The following PTPRN2 variants were observed in gnomAD, a reference collection of about 807,000 sequenced individuals.
PTPRN2 encodes receptor-type tyrosine-protein phosphatase N2.
In PTPRN2, 74 loss-of-function variants were observed where a neutral mutation model predicts 118.8. That is an observed-to-expected ratio of 0.62 (90% CI 0.52 to 0.76). The LOEUF (loss-of-function observed/expected upper bound fraction) is 0.76. Ranked by LOEUF, PTPRN2 falls within the 30% of genes least tolerant of loss-of-function variation. The pLI is 0.00. For missense variants in PTPRN2, 1,481 were observed against 1,394.4 expected, an observed-to-expected ratio of 1.06 and a Z score of -0.99; for synonymous variants, 641 against 608.0, an observed-to-expected ratio of 1.05 and a Z score of -0.80.
chr7:158,541,761 G>T, intron 1 of PTPRN2: 1 of 1,192,402 alleles, frequency 8.4e-7, no homozygotes, highest in Non-Finnish European at 1.1e-6. Context: ...AAAGGGCTGC[G>T]GACGCATAAA....
At chr7:158,425,635 GA>G (rs1295125194) in intron 2 of PTPRN2, among the ~76,000 whole-genome samples, 4,250 of 108,308 alleles carry the variant, frequency 0.039, 834 homozygotes, top group Non-Finnish European at 0.047. Flanking sequence ...CAGCCTAGCT[GA>G]GGCCTGCGCA....
At chr7:157,645,524 T>C (rs1215220619) in intron 14 of PTPRN2, among the ~76,000 whole-genome samples, 1 of 152,206 alleles carries the variant, frequency 6.6e-6, no homozygotes, top group African/African-American at 2.4e-5. Context: ...ACATTTCACA[T>C]GGTCCGTGTA....
rs557929226 is a variant in PTPRN2 at position 157,615,909 on chromosome 7, C to T, written c.2344+5453G>A. The T allele has an allele frequency of 3.4e-4, 108 of 321,648 alleles. No homozygotes were observed. Among genetic ancestry groups the T allele is most frequent in the Non-Finnish European group, 5.8e-4 (95 of 163,768 alleles). The allele number at this position is 321,648 out of a possible 1,614,324, so 19.9% of individuals were successfully genotyped here. ...TAGTGGGTTCGGCCTCAGAATCAGC[C>T]GGCGCTGAGATGTGCACCTGGCAGG... On this transcript the variant is annotated intron_variant, in intron 15 of 22. Transcript: ENST00000389418. The surrounding 1 kb of genome is among the most constrained non-coding windows in gnomAD (Gnocchi z 4.3).
chr7:158,380,486 G>A (rs1435364190), intron 2 of PTPRN2, among the ~76,000 whole-genome samples: 3 of 152,216 alleles, frequency 2.0e-5, no homozygotes, highest in Non-Finnish European at 4.4e-5. Flanking sequence ...AAACATCTGG[G>A]TCATGGTGAT....
intron 11 of PTPRN2, among the ~76,000 whole-genome samples, chr7:157,931,047 C>A (rs1266956424): frequency 6.6e-6 from 1 of 152,162 alleles, no homozygotes; most frequent in African/African-American, 2.4e-5. Context: ...GAGTCAAGAA[C>A]TCCTTCTGCC....
At chr7:158,269,351 C>T (rs902652945) in intron 3 of PTPRN2, among the ~76,000 whole-genome samples, 27 of 152,202 alleles carry the variant, frequency 1.8e-4, no homozygotes, top group African/African-American at 4.3e-4. Flanking sequence ...CCTCAGGAGG[C>T]GCGGCCATCC....
chr7:157,848,885 C>T (rs1563168935), intron 12 of PTPRN2, among the ~76,000 whole-genome samples: 1 of 152,246 alleles, frequency 6.6e-6, no homozygotes, highest in African/African-American at 2.4e-5. Context: ...GTGTGCACCA[C>T]GGTGTGCCCT....
rs560214945 is a variant in PTPRN2 at position 158,276,282 on chromosome 7, T to C, written c.277+40537A>G. On this transcript the variant is annotated intron_variant, in intron 3 of 22. Transcript: ENST00000389418. ...CCCACACTCTGGCCCCAACAGGCTG[T>C]AAGGCAGCACCCCCACACCCCGGCC... 5.6e-4 allele frequency among the ~76,000 whole-genome samples: 21 copies of C among 37,748 alleles called. 5 individuals are homozygous for C. Among genetic ancestry groups the C allele is most frequent in the Non-Finnish European group, 1.3e-3 (17 of 13,220 alleles). The allele number at this position is 37,748 out of a possible 152,430, so 24.8% of individuals were successfully genotyped here.
rs1463101287 is a variant in PTPRN2 at position 157,588,114 on chromosome 7, G to A, written c.2496+7124C>T. 2.6e-5 allele frequency among the ~76,000 whole-genome samples: 4 copies of A among 152,240 alleles called. 1 individual carries two copies. The highest frequency in any genetic ancestry group is 4.1e-4 in the South Asian group (2 of 4,838). Reference sequence around the variant, plus strand: ...ATCTGCAGACATCCACTCCGCACCTGATGGTGACAGACTATGCTGCCTACA... The same window carrying A: ...ATCTGCAGACATCCACTCCGCACCTAATGGTGACAGACTATGCTGCCTACA... On this transcript the variant is annotated intron_variant, in intron 17 of 22. Transcript: ENST00000389418.
intron 3 of PTPRN2, among the ~76,000 whole-genome samples, chr7:158,262,026 G>A (rs956859069): frequency 2.0e-5 from 3 of 152,158 alleles, no homozygotes; most frequent in African/African-American, 7.2e-5. Flanking sequence ...TGAGCCCCTG[G>A]TTCCCAGGTG....
In PTPRN2 at chr7:157,986,346, T is replaced by C. The variant is rs1803787113; in HGVS notation, c.1724-87609A>G. On this transcript the variant is annotated intron_variant, in intron 11 of 22. Coordinates refer to ENST00000389418, the MANE Select transcript of PTPRN2 (RefSeq NM_002847.5). The surrounding 1 kb of genome is among the most constrained non-coding windows in gnomAD (Gnocchi z 4.5). ...GACCATGGACTCTGGCGGCAGATAA[T>C]GGCCTGAGAGGTCAGCTAGTCCAAT... Among the ~76,000 whole-genome samples the C allele has an allele frequency of 6.6e-6, 1 of 152,200 alleles. No individual in the cohort carries two copies. The highest frequency in any genetic ancestry group is 2.4e-5 in the African/African-American group (1 of 41,454).
chr7:158,542,478 C>T (rs1326360040), intron 1 of PTPRN2, among the ~76,000 whole-genome samples: 1 of 152,198 alleles, frequency 6.6e-6, no homozygotes, highest in Non-Finnish European at 1.5e-5. Context: ...CCTACTCTTA[C>T]TGGGACATAA....
intron 2 of PTPRN2, among the ~76,000 whole-genome samples, chr7:158,482,232 G>GATA (rs1324250015): frequency 1.3e-5 from 2 of 152,210 alleles, no homozygotes; most frequent in African/African-American, 2.4e-5. Flanking sequence ...CAACTTATTT[G>GATA]ATAAGGCAGT....
chr7:158,312,202 A>C (rs1295168329), intron 3 of PTPRN2, among the ~76,000 whole-genome samples: 1 of 97,398 alleles, frequency 1.0e-5, no homozygotes, highest in Non-Finnish European at 2.2e-5. Flanking sequence ...AGACACTCAC[A>C]TGCACACACA....
chr7:157,779,638 C>T lies in PTPRN2; in HGVS notation c.1789-96701G>A, dbSNP rs1270172821. ...CACCCTGCTGCAGGAGTCTCCGAAG[C>T]ACAAAGGCTGACCCTAGACTCTGGC... is the stretch of plus-strand genomic sequence containing the variant. On this transcript the variant is annotated intron_variant, in intron 12 of 22. Coordinates refer to ENST00000389418, the MANE Select transcript of PTPRN2 (RefSeq NM_002847.5). This position sits in a 1 kb window ranked among gnomAD's most constrained non-coding sequence, Gnocchi z 4.7. Among the ~76,000 whole-genome samples the T allele has an allele frequency of 6.6e-6, 1 of 152,202 alleles. No individual in the cohort carries two copies. Among genetic ancestry groups the T allele is most frequent in the African/African-American group, 2.4e-5 (1 of 41,454 alleles).
At position 158,270,499 on chromosome 7, in the gene PTPRN2, C is replaced by T. The variant is rs546500966; in HGVS notation, c.277+46320G>A. Among the ~76,000 whole-genome samples, 17 of 152,186 alleles carry T rather than the reference C, an allele frequency of 1.1e-4. No individual in the cohort carries two copies. The East Asian group carries it at 1.4e-3, about 12-fold the overall frequency. On this transcript the variant is annotated intron_variant, in intron 3 of 22. Transcript: ENST00000389418. Reference sequence around the variant, plus strand: ...TCACTCACTGGCCATAACGTGCCCCCGACCCCCTGGCTCCCTCTGCCTATG... The same window carrying T: ...TCACTCACTGGCCATAACGTGCCCCTGACCCCCTGGCTCCCTCTGCCTATG...
chr7:157,723,099 A>G (rs934639541), intron 12 of PTPRN2, among the ~76,000 whole-genome samples: 4 of 152,256 alleles, frequency 2.6e-5, no homozygotes, highest in African/African-American at 9.6e-5. Context: ...AATTGAATTA[A>G]GTCACATTCA....
At chr7:158,071,310 C>T (rs1329760216) in intron 11 of PTPRN2, among the ~76,000 whole-genome samples, 1 of 89,634 alleles carries the variant, frequency 1.1e-5, no homozygotes, top group African/African-American at 4.9e-5. Context: ...GGTGGAGGTG[C>T]CCATGGTAGT....
Position 158,169,583 on chromosome 7 carries a change from G to A in PTPRN2, c.550-2292C>T, listed in dbSNP as rs528227294. Among the ~76,000 whole-genome samples the A allele has an allele frequency of 2.7e-5, 4 of 150,594 alleles. No homozygotes were observed. The East Asian group carries it at 8.1e-4, about 30-fold the overall frequency. Reference sequence around the variant, plus strand: ...GGCGTGAGCCACCGCGCCTGGCCAGGTTGAATTAGGTTCTGATTTCAGTTC... The same window carrying A: ...GGCGTGAGCCACCGCGCCTGGCCAGATTGAATTAGGTTCTGATTTCAGTTC... On this transcript the variant is annotated intron_variant, in intron 5 of 22. Coordinates refer to ENST00000389418, the MANE Select transcript of PTPRN2 (RefSeq NM_002847.5).
Sources: allele counts gnomAD v4.1 joint callset (sites outside exome capture counted in the v4.1 genomes callset), GRCh38; gene constraint gnomAD v4.1.1; non-coding constraint Gnocchi (gnomAD v3.1); transcripts MANE v1.5; gene names NCBI Gene and HGNC (gene_info 2026-07-23, HGNC 2026-07-21).